Variants in LRRC7 observed in about 807,000 individuals in gnomAD.
LRRC7 encodes leucine rich repeat containing 7, also known as leucine-rich repeat-containing protein 7.
LRRC7 carries 23 observed loss-of-function variants against 175.7 expected under a neutral mutation model. That is an observed-to-expected ratio of 0.13 (90% CI 0.09 to 0.19). The LOEUF is 0.19. LRRC7 is among the 10% of genes least tolerant of loss of function. The probability of loss-of-function intolerance (pLI) is 1.00; values close to 1 mark genes in which losing one functional copy is unlikely to be tolerated. For synonymous variants in LRRC7, 685 were observed against 680.9 expected, an observed-to-expected ratio of 1.01 and a Z score of -0.09; for missense variants, 1,354 against 1,904.7, an observed-to-expected ratio of 0.71 and a Z score of 5.38.
chr1:69,807,397 G>T (rs1442685607), intron 4 of LRRC7, among the ~76,000 whole-genome samples: 1 of 152,122 alleles, frequency 6.6e-6, no homozygotes, highest in East Asian at 1.9e-4. Context: ...AGCCTTGATG[G>T]TCTTTACATT....
chr1:70,105,918 G>A (rs914991802), intron 25 of LRRC7, among the ~76,000 whole-genome samples: 5 of 151,988 alleles, frequency 3.3e-5, no homozygotes, highest in Non-Finnish European at 7.4e-5. Flanking sequence ...AGTCTTAATA[G>A]GTTTCATAAA....
At chr1:69,611,890 C>T (rs1174785924) in intron 1 of LRRC7, among the ~76,000 whole-genome samples, 1 of 151,994 alleles carries the variant, frequency 6.6e-6, no homozygotes, top group Non-Finnish European at 1.5e-5. Flanking sequence ...ATGTGCACAT[C>T]GAATGACTCA....
At chr1:69,925,082 G>A (rs2101749001) in intron 7 of LRRC7, among the ~76,000 whole-genome samples, 1 of 152,224 alleles carries the variant, frequency 6.6e-6, no homozygotes, top group South Asian at 2.1e-4. Context: ...CTTTGGTTCT[G>A]TTTATATGCT....
intron 7 of LRRC7, 47 bp from the exon 8 acceptor site, chr1:69,931,460 T>C (rs748351340): frequency 4.1e-6 from 6 of 1,457,742 alleles, no homozygotes; most frequent in African/African-American, 1.4e-5. Flanking sequence ...TTTAGAGCAA[T>C]GTATCATGCA....
intron 4 of LRRC7, among the ~76,000 whole-genome samples, chr1:69,796,390 G>A (rs1054566523): frequency 1.3e-5 from 2 of 151,820 alleles, no homozygotes; most frequent in Admixed American, 6.6e-5. Context: ...GGTTGCTTGT[G>A]ACACAAGGAA....
intron 25 of LRRC7, among the ~76,000 whole-genome samples, chr1:70,106,856 G>T (rs552341295): frequency 6.6e-6 from 1 of 152,240 alleles, no homozygotes; most frequent in East Asian, 1.9e-4. Flanking sequence ...TTGTTATTCA[G>T]CTATCAGGTA....
chr1:69,987,275 A>C (rs1654025638), intron 10 of LRRC7, among the ~76,000 whole-genome samples: 1 of 152,194 alleles, frequency 6.6e-6, no homozygotes, highest in Admixed American at 6.5e-5. Flanking sequence ...AGTTTATATG[A>C]GTAAAATAGT....
intron 2 of LRRC7, 140 bp downstream of exon 2, chr1:69,678,618 C>T: frequency 1.6e-6 from 1 of 608,460 alleles, no homozygotes; most frequent in East Asian, 2.8e-5. Context: ...AAATAAGTTA[C>T]CATATGTTAC....
At position 70,028,479 on chromosome 1, in the gene LRRC7, A is replaced by T. The variant is rs773638526; in HGVS notation, c.1995+108A>T. ...CTTGATAAGTGCATTTTTTTCCTAA[A>T]ATATAAATGATCTCTCTACTTTTTC... On this transcript the variant is annotated intron_variant, in intron 18 of 26. Coordinates refer to ENST00000651989, the MANE Select transcript of LRRC7 (RefSeq NM_001370785.2). 317 of 934,930 alleles carry T rather than the reference A, an allele frequency of 3.4e-4. 1 individual carries two copies. Among genetic ancestry groups the T allele is most frequent in the Non-Finnish European group, 4.8e-4 (303 of 625,696 alleles). The allele number at this position is 934,930 out of a possible 1,614,324, so 57.9% of individuals were successfully genotyped here. A position where few individuals can be genotyped will look rare whatever the true frequency, so the allele number is the denominator to read the frequency against.
At chr1:69,592,632 A>G (rs1646684481) in intron 1 of LRRC7, among the ~76,000 whole-genome samples, 1 of 152,030 alleles carries the variant, frequency 6.6e-6, no homozygotes, top group African/African-American at 2.4e-5. Flanking sequence ...CATTTAGGGG[A>G]AATTGTGGAA....
At chr1:70,120,982 A>G (rs960672114) in intron 26 of LRRC7, among the ~76,000 whole-genome samples, 2 of 152,076 alleles carry the variant, frequency 1.3e-5, no homozygotes, top group Non-Finnish European at 2.9e-5. Context: ...TGTAGAGAAA[A>G]TCAGAGACCC....
At chr1:69,922,376 A>G (rs542457835) in intron 7 of LRRC7, among the ~76,000 whole-genome samples, 3 of 151,126 alleles carry the variant, frequency 2.0e-5, no homozygotes, top group African/African-American at 4.9e-5. Flanking sequence ...TTCTATTCCT[A>G]CCTTCCCCAA....
At chr1:70,008,087 A>G (rs1046989941) in intron 11 of LRRC7, among the ~76,000 whole-genome samples, 22 of 152,366 alleles carry the variant, frequency 1.4e-4, no homozygotes, top group African/African-American at 5.3e-4. Flanking sequence ...ATAGGCTGTC[A>G]GCAAGCTGAG....
chr1:69,844,145 G>A (rs986699700), intron 7 of LRRC7, among the ~76,000 whole-genome samples: 3 of 152,044 alleles, frequency 2.0e-5, no homozygotes, highest in Admixed American at 6.6e-5. Context: ...CAACAAAAAA[G>A]TCACTTTATT....
intron 18 of LRRC7, among the ~76,000 whole-genome samples, chr1:70,031,459 A>G (rs751439145): frequency 7.9e-5 from 12 of 152,184 alleles, no homozygotes; most frequent in African/African-American, 2.7e-4. Context: ...CAGTGATGTT[A>G]TGGTGATCCT....
At chr1:69,773,699 A>G (rs1672493481) in intron 3 of LRRC7, among the ~76,000 whole-genome samples, 2 of 152,186 alleles carry the variant, frequency 1.3e-5, no homozygotes, top group Non-Finnish European at 2.9e-5. Context: ...AAGGCAGGAA[A>G]TGCAACAAAA....
intron 2 of LRRC7, among the ~76,000 whole-genome samples, chr1:69,695,344 GGC>G (rs1327174592): frequency 1.3e-5 from 2 of 152,158 alleles, no homozygotes; most frequent in African/African-American, 4.8e-5. Flanking sequence ...AATGTGGCAT[GGC>G]TTCTTCTAAC....
chr1:69,617,733 C>T (rs1043478843), intron 1 of LRRC7, among the ~76,000 whole-genome samples: 1 of 151,834 alleles, frequency 6.6e-6, no homozygotes, highest in Non-Finnish European at 1.5e-5. Context: ...ATCTGTTTTA[C>T]ACTTCTTCCC....
intron 2 of LRRC7, among the ~76,000 whole-genome samples, chr1:69,716,678 A>C (rs1665386295): frequency 6.6e-6 from 1 of 151,888 alleles, no homozygotes; most frequent in Non-Finnish European, 1.5e-5. Context: ...TCAAAAATTC[A>C]AGGTGATATC....
Sources: allele counts gnomAD v4.1 joint callset (sites outside exome capture counted in the v4.1 genomes callset), GRCh38; gene constraint gnomAD v4.1.1; transcripts MANE v1.5; gene names NCBI Gene and HGNC (gene_info 2026-07-23, HGNC 2026-07-21).